The following DLG2 variants were observed in gnomAD, a reference collection of about 807,000 sequenced individuals.
The protein encoded by DLG2 is discs large MAGUK scaffold protein 2.
DLG2 carries 45 observed loss-of-function variants against 132.5 expected under a neutral mutation model. The ratio of observed to expected loss-of-function variants is 0.34; its 90% CI spans 0.27 to 0.44. DLG2 has a LOEUF of 0.44. DLG2 is among the 20% of genes least tolerant of loss of function. DLG2 has a pLI of 1.00. For synonymous variants in DLG2, 424 were observed against 419.6 expected, an observed-to-expected ratio of 1.01 and a Z score of -0.13; for missense variants, 1,045 against 1,196.9, an observed-to-expected ratio of 0.87 and a Z score of 1.87.
At chr11:84,923,013 A>C (rs1364488790) in intron 6 of DLG2, 1 of 1,592,220 alleles carries the variant, frequency 6.3e-7, no homozygotes, top group African/African-American at 1.3e-5. Context: ...TACACAAGGT[A>C]GACATTTTCT....
chr11:85,020,989 C>A, intron 6 of DLG2: 1 of 779,038 alleles, frequency 1.3e-6, no homozygotes, highest in Non-Finnish European at 2.4e-6. Flanking sequence ...CTCTGCTCCT[C>A]TTCTGACTTA....
At chr11:84,586,156 A>AG (rs1457595576) in intron 6 of DLG2, among the ~76,000 whole-genome samples, 40 of 137,010 alleles carry the variant, frequency 2.9e-4, no homozygotes, top group Admixed American at 2.1e-3. Context: ...GACTCAAAAA[A>AG]AAAAAAAAAG....
At chr11:83,551,235 T>G (rs998652037) in intron 19 of DLG2, among the ~76,000 whole-genome samples, 30 of 152,274 alleles carry the variant, frequency 2.0e-4, no homozygotes, top group African/African-American at 7.2e-4. Flanking sequence ...TAATTGAGTC[T>G]AAAAAAATCT....
intron 11 of DLG2, among the ~76,000 whole-genome samples, chr11:84,055,005 C>T (rs114684839): frequency 0.018 from 2,735 of 152,010 alleles, 78 homozygotes; most frequent in South Asian, 0.062. Context: ...GGAAAAAAGT[C>T]AATTTAAAAA....
Position 85,076,588 on chromosome 11 carries a change from G to A in DLG2, c.357+35073C>T, listed in dbSNP as rs1358462243. Among the ~76,000 whole-genome samples, 4 of 151,976 alleles carry A rather than the reference G, an allele frequency of 2.6e-5. No individual in the cohort carries two copies. In the East Asian group the frequency reaches 7.8e-4, roughly 29 times the overall value. Reference sequence around the variant, plus strand: ...TGCCTTGAAGCATCAGCTTCCAAATGTGGTCCTCCTCACTGACGCTCAGCA... The same window carrying A: ...TGCCTTGAAGCATCAGCTTCCAAATATGGTCCTCCTCACTGACGCTCAGCA... On this transcript the variant is annotated intron_variant, in intron 6 of 27. Coordinates refer to ENST00000376104, the MANE Select transcript of DLG2 (RefSeq NM_001142699.3).
chr11:83,688,687 C>T (rs1566541905), intron 18 of DLG2, among the ~76,000 whole-genome samples: 1 of 152,130 alleles, frequency 6.6e-6, no homozygotes, highest in African/African-American at 2.4e-5. Flanking sequence ...ATGTCATATA[C>T]ATCATTAATA....
intron 3 of DLG2, among the ~76,000 whole-genome samples, chr11:85,305,810 G>A (rs2079903297): frequency 6.6e-6 from 1 of 152,188 alleles, no homozygotes. Context: ...ACGGCGCCTG[G>A]CTGGATTTCT....
intron 6 of DLG2, among the ~76,000 whole-genome samples, chr11:85,072,007 TA>T (rs2065923852): frequency 6.6e-6 from 1 of 151,846 alleles, no homozygotes; most frequent in African/African-American, 2.4e-5. Context: ...AGAACGCATT[TA>T]ATCTTAGCAT....
chr11:85,174,216 T>C (rs906815999), intron 4 of DLG2, among the ~76,000 whole-genome samples: 5 of 152,280 alleles, frequency 3.3e-5, no homozygotes, highest in Middle Eastern at 3.4e-3. Flanking sequence ...ATCACATAAA[T>C]GGAAGTAAAA....
intron 17 of DLG2, among the ~76,000 whole-genome samples, chr11:83,821,061 T>C (rs2050637652): frequency 6.6e-6 from 1 of 152,232 alleles, no homozygotes; most frequent in African/African-American, 2.4e-5. Context: ...CACCTGTGTG[T>C]GCCTAGCACT....
At chr11:83,693,099 T>A (rs1412779833) in intron 18 of DLG2, 1 of 152,146 alleles carries the variant, frequency 6.6e-6, no homozygotes, top group Non-Finnish European at 1.5e-5. Flanking sequence ...TGTTTAAACC[T>A]TTTTTTGAGT....
chr11:84,392,030 T>C (rs774906323), intron 7 of DLG2, among the ~76,000 whole-genome samples: 3 of 152,192 alleles, frequency 2.0e-5, no homozygotes, highest in African/African-American at 4.8e-5. Context: ...AGGGATTTGG[T>C]ATCTACCTAA....
Position 84,784,342 on chromosome 11 carries a change from A to T in DLG2, c.358-249611T>A, listed in dbSNP as rs554807735. Among the ~76,000 whole-genome samples, 1,158 of 147,388 alleles carry T rather than the reference A, an allele frequency of 7.9e-3. 5 individuals are homozygous for T. The highest frequency in any genetic ancestry group is 0.011 in the Non-Finnish European group (711 of 66,814). ...CCTCAAAATAAATAAATAAATAAAT[A>T]AATAAATAAATAAATAAATAAATAA... On this transcript the variant is annotated intron_variant, in intron 6 of 27. Coordinates refer to ENST00000376104, the MANE Select transcript of DLG2 (RefSeq NM_001142699.3).
At chr11:85,228,839 A>G (rs955784614) in intron 4 of DLG2, among the ~76,000 whole-genome samples, 3 of 151,512 alleles carry the variant, frequency 2.0e-5, no homozygotes, top group African/African-American at 7.3e-5. Flanking sequence ...AATTATTATT[A>G]TAGTTGGATT....
chr11:84,624,027 G>A (rs887492799), intron 6 of DLG2, among the ~76,000 whole-genome samples: 1 of 152,168 alleles, frequency 6.6e-6, no homozygotes, highest in African/African-American at 2.4e-5. Flanking sequence ...TTACTGAGAT[G>A]CTTACTAGAA....
chr11:84,960,148 G>A (rs1432003036), intron 6 of DLG2, among the ~76,000 whole-genome samples: 1 of 152,136 alleles, frequency 6.6e-6, no homozygotes, highest in East Asian at 1.9e-4. Context: ...GTGAGTGAGT[G>A]GCAAAGTGGG....
At chr11:84,169,006 C>T (rs1596514666) in intron 8 of DLG2, among the ~76,000 whole-genome samples, 1 of 152,156 alleles carries the variant, frequency 6.6e-6, no homozygotes, top group East Asian at 1.9e-4. Context: ...TAGGCAAAAA[C>T]ATGGCTTCCA....
At chr11:83,587,684 G>C (rs1382174416) in intron 19 of DLG2, among the ~76,000 whole-genome samples, 1 of 152,226 alleles carries the variant, frequency 6.6e-6, no homozygotes, top group Non-Finnish European at 1.5e-5. Context: ...CTCCCAGCGT[G>C]AGCTACGCAG....
intron 11 of DLG2, among the ~76,000 whole-genome samples, chr11:84,053,811 A>C (rs2096448567): frequency 6.6e-6 from 1 of 151,950 alleles, no homozygotes; most frequent in African/African-American, 2.4e-5. Context: ...TGGTATAGTA[A>C]CTTCTACAGT....
Sources: allele counts gnomAD v4.1 joint callset (sites outside exome capture counted in the v4.1 genomes callset), GRCh38; gene constraint gnomAD v4.1.1; transcripts MANE v1.5; gene names NCBI Gene and HGNC (gene_info 2026-07-23, HGNC 2026-07-21).